Variants in CACNA1F observed in about 807,000 individuals in gnomAD.
CACNA1F encodes the protein calcium voltage-gated channel subunit alpha1 F.
A neutral mutation model predicts 143.8 loss-of-function variants in CACNA1F; 59 were observed. The observed-to-expected ratio is 0.41, with a 90% confidence interval of 0.33 to 0.51. The LOEUF is 0.51. Ranked by LOEUF, CACNA1F falls within the 20% of genes least tolerant of loss-of-function variation. The probability of loss-of-function intolerance (pLI) is 0.22; values close to 1 mark genes in which losing one functional copy is unlikely to be tolerated. For synonymous variants in CACNA1F, 643 were observed against 649.1 expected (o/e 0.99, Z 0.14); for missense variants, 1,411 against 1,647.5 (o/e 0.86, Z 2.48).
rs1557106548 is a variant in CACNA1F, at chrX:49,212,748, G to A, written c.3861C>T (p.Phe1287=). 1 of 1,209,740 alleles carries A rather than the reference G, an allele frequency of 8.3e-7. No homozygotes were observed. The highest frequency in any genetic ancestry group is 2.2e-5 in the Admixed American group (1 of 45,893). Residue 1287 remains phenylalanine, a synonymous_variant, in exon 33 of 48, where the codon TTC becomes TTT. Coordinates refer to ENST00000323022, the MANE Select transcript of CACNA1F (RefSeq NM_001256789.3). ...GAAGCTTGACCAGCCGCATAACTCG[G>A]AAGAGGCGAAAGAAGGTAATGGAAA... ...SRISITFFRL[F]RVMRLVKLLS...
intron 27 of CACNA1F, 89 bp from the exon 28 acceptor site, chrX:49,215,632 A>G: frequency 1.6e-6 from 1 of 613,988 alleles, no homozygotes; most frequent in South Asian, 2.9e-5. Context: ...CTTATCACAG[A>G]CACCCCAGAG....
chrX:49,215,610 G>T, intron 27 of CACNA1F, 67 bp from the exon 28 acceptor site: 1 of 725,778 alleles, frequency 1.4e-6, no homozygotes. Context: ...CCTCAGACCT[G>T]CCCCCAGTCT....
rs782533295 is a variant in CACNA1F at position 49,210,420 on chromosome X, C to T, written c.4486-17G>A. The T allele has an allele frequency of 6.1e-6, 7 of 1,141,548 alleles. No homozygotes were observed. In the Admixed American group the frequency reaches 1.1e-4, roughly 18 times the overall value. The allele number at this position is 1,141,548 out of a possible 1,213,427, so 94.1% of individuals were successfully genotyped here. The stretch of plus-strand genomic sequence containing the variant: ...CACAAGTCTCTGCAAACACGAGAGA[C>T]ATGAAACCCACTCTGGGAAAATGCC... On this transcript the variant is annotated splice_polypyrimidine_tract_variant and intron_variant, in intron 38 of 47. Coordinates refer to ENST00000323022, the MANE Select transcript of CACNA1F (RefSeq NM_001256789.3).
At chrX:49,228,748 AG>A (rs1394432485) in intron 6 of CACNA1F, among the ~76,000 whole-genome samples, 5 of 111,769 alleles carry the variant, frequency 4.5e-5, no homozygotes, top group Non-Finnish European at 9.4e-5. Flanking sequence ...TTGTATTTTT[AG>A]TAGAGACGGG....
intron 13 of CACNA1F, among the ~76,000 whole-genome samples, chrX:49,225,564 C>G (rs1418661549): frequency 1.8e-5 from 2 of 111,574 alleles, no homozygotes; most frequent in African/African-American, 6.5e-5. Flanking sequence ...GGTTCTAATT[C>G]TGGCTCTGCC....
At chrX:49,217,035 T>C (rs1288723143) in intron 26 of CACNA1F, among the ~76,000 whole-genome samples, 1 of 111,700 alleles carries the variant, frequency 9.0e-6, no homozygotes, top group Non-Finnish European at 1.9e-5. Context: ...CTTGGCTCAC[T>C]GCAACCTCCG....
At chrX:49,212,035 A>G in intron 34 of CACNA1F, 46 bp from the exon 35 acceptor site, 1 of 1,022,497 alleles carries the variant, frequency 9.8e-7, no homozygotes, top group Non-Finnish European at 1.4e-6. Context: ...CCCATGCCCC[A>G]CCCATTTCAC....
chrX:49,214,973 A>T, intron 29 of CACNA1F, 113 bp downstream of exon 29: 1 of 660,953 alleles, frequency 1.5e-6, no homozygotes, highest in South Asian at 2.3e-5. Context: ...AGTTGCTGTT[A>T]GTTGGCAGGG....
At chrX:49,212,543 G>T in intron 33 of CACNA1F, 124 bp downstream of exon 33, 1 of 787,957 alleles carries the variant, frequency 1.3e-6, no homozygotes, top group South Asian at 2.5e-5. Context: ...AGAGAAAATT[G>T]GAATAATAAT....
intron 21 of CACNA1F, 22 bp downstream of exon 21, chrX:49,219,299 T>C: frequency 8.3e-7 from 1 of 1,204,438 alleles, no homozygotes. Flanking sequence ...CCTCAGCTCC[T>C]AGCTCCCAGC....
At chrX:49,222,242 G>A in intron 17 of CACNA1F, 1 of 350,161 alleles carries the variant, frequency 2.9e-6, no homozygotes, top group Non-Finnish European at 5.0e-6. Flanking sequence ...ATATTCATTT[G>A]TTTTATTTTT....
chrX:49,219,597 C>G, intron 20 of CACNA1F, 37 bp downstream of exon 20: 1 of 1,183,406 alleles, frequency 8.5e-7, no homozygotes, highest in Non-Finnish European at 1.1e-6. Flanking sequence ...CTGCCCTAGC[C>G]CCTCCTGCCT....
At chrX:49,206,392 CAAAAAAAAAAAAAAAAA>C in intron 46 of CACNA1F, 102 bp downstream of exon 46, 1 of 170,525 alleles carries the variant, frequency 5.9e-6, no homozygotes, top group Non-Finnish European at 9.7e-6. Context: ...AACTCTGTCT[CAAAAAAAAAAAAAAAAA>C]AAAAAAAAAA....
At chrX:49,223,407 A>G (rs1378744900) in intron 14 of CACNA1F, among the ~76,000 whole-genome samples, 1 of 108,283 alleles carries the variant, frequency 9.2e-6, no homozygotes, top group Non-Finnish European at 1.9e-5. Context: ...GACTGAGACC[A>G]TCCTGGCTAA....
chrX:49,228,484 C>A (rs1557110589), intron 6 of CACNA1F, 37 bp from the exon 7 acceptor site: 4 of 1,101,155 alleles, frequency 3.6e-6, no homozygotes, highest in Non-Finnish European at 5.0e-6. Flanking sequence ...TCGAAGCAGG[C>A]CCACTCTCAG....
intron 35 of CACNA1F, 140 bp from the exon 36 acceptor site, chrX:49,211,621 A>AC (rs1557106283): frequency 1.8e-6 from 1 of 559,819 alleles, no homozygotes; most frequent in African/African-American, 2.3e-5. Context: ...ACATTTCAAT[A>AC]TTTTAACAGC....
chrX:49,211,929 T>C lies in CACNA1F; in HGVS notation c.4069A>G (p.Thr1357Ala). ...AGAAGCAGCACAGCCTGTGGAAAGG[T>C]CTGGAAGTTGTTGTTTCGGTTTATC... The part of the protein sequence containing the change: ...TQINRNNNFQ[T>A]FPQAVLLLFR... Residue 1357 changes from threonine to alanine, a missense_variant, in exon 35 of 48, where the codon ACC (threonine) becomes GCC (alanine). This residue lies in a region of CACNA1F where 112 missense variants were observed against 169.2 expected (regional missense o/e 0.66). Coordinates refer to ENST00000323022, the MANE Select transcript of CACNA1F (RefSeq NM_001256789.3). 8.3e-7 allele frequency: 1 copy of C among 1,210,798 alleles called. No homozygotes were observed. Among genetic ancestry groups the C allele is most frequent in the Non-Finnish European group, 1.1e-6 (1 of 894,843 alleles).
rs1557110068 is a variant in CACNA1F, at chrX:49,226,708, G to A, written c.1277-6C>T. ...CAGCTCGGCCAGCTGTGGCCCTGCA[G>A]GGAGAGAAAGGACAATTAGGGAGGA... On this transcript the variant is annotated splice_region_variant and splice_polypyrimidine_tract_variant and intron_variant, in intron 9 of 47. Coordinates refer to ENST00000323022, the MANE Select transcript of CACNA1F (RefSeq NM_001256789.3). 1 of 1,166,114 alleles carries A rather than the reference G, an allele frequency of 8.6e-7. No individual in the cohort carries two copies. Among genetic ancestry groups the A allele is most frequent in the Non-Finnish European group, 1.2e-6 (1 of 868,976 alleles).
At chrX:49,226,284 C>T (rs782106199) in intron 11 of CACNA1F, 41 bp from the exon 12 acceptor site, 1 of 1,161,382 alleles carries the variant, frequency 8.6e-7, no homozygotes, top group South Asian at 1.8e-5. Context: ...TCGTAAAGGG[C>T]AGAAGGGGTG....
Sources: gnomAD v4.1 joint callset for allele counts (sites outside exome capture counted in the v4.1 genomes callset) on GRCh38, gnomAD v4.1.1 for gene constraint, gnomAD v4.1.1 regional missense constraint, MANE v1.5 for transcripts, NCBI Gene and HGNC (gene_info 2026-07-23, HGNC 2026-07-21) for gene names.